The following RNH1 variants were observed in gnomAD, a reference collection of about 807,000 sequenced individuals.
The protein encoded by RNH1 is ribonuclease inhibitor.
A neutral mutation model predicts 46.1 loss-of-function variants in RNH1; 38 were observed. The observed-to-expected ratio is 0.82, with a 90% confidence interval of 0.64 to 1.08. The LOEUF (loss-of-function observed/expected upper bound fraction) is 1.08, where lower values mean the gene tolerates loss of function less well. Among genes scored for constraint, RNH1 ranks in the 50% least tolerant of loss-of-function variants. The probability of loss-of-function intolerance (pLI) is 0.00; values close to 1 mark genes in which losing one functional copy is unlikely to be tolerated. For synonymous variants in RNH1, 319 were observed against 279.1 expected (o/e 1.14, Z -1.43); for missense variants, 577 against 590.7 (o/e 0.98, Z 0.24).
In RNH1 at chr11:498,439, C is replaced by G; in HGVS notation, c.956+18G>C. On this transcript the variant is annotated intron_variant, in intron 8 of 10. Coordinates refer to ENST00000354420, the MANE Select transcript of RNH1 (RefSeq NM_203387.3). The stretch of plus-strand genomic sequence containing the variant: ...CCTCTCTTGGGCGACAGGGCCCTGC[C>G]CCGACAGCCACACTCACCACAGCGA... The G allele has an allele frequency of 1.9e-6, 3 of 1,610,350 alleles. No homozygotes were observed. Among genetic ancestry groups the G allele is most frequent in the East Asian group, 2.2e-5 (1 of 44,868 alleles).
chr11:497,867 C>T (rs1565021013), intron 9 of RNH1, 104 bp downstream of exon 9: 15 of 1,389,746 alleles, frequency 1.1e-5, no homozygotes, highest in Middle Eastern at 2.6e-4. Flanking sequence ...CACATACACA[C>T]GGACACTCGT....
At position 494,906 on chromosome 11, in the gene RNH1, C is replaced by T. The variant is rs537015360; in HGVS notation, c.1275G>A (p.Pro425=). Residue 425 remains proline (P), a synonymous_variant, in exon 10 of 11, where the codon CCG becomes CCA. Coordinates refer to ENST00000354420, the MANE Select transcript of RNH1 (RefSeq NM_203387.3). ...ACACCAGCTGCTCCAGGAGGCAGCC[C>T]GGCTGCCGGACGCTCTCCACCAGCT... ...ILQLVESVRQ[P]GCLLEQLVLY... is the part of the protein sequence containing the mutation. 25 of 1,611,450 alleles carry T rather than the reference C, an allele frequency of 1.6e-5. No homozygotes were observed. The highest frequency in any genetic ancestry group is 3.3e-5 in the South Asian group (3 of 90,866).
chr11:499,181 C>G lies in RNH1; in HGVS notation c.448G>C (p.Glu150Gln), dbSNP rs1369665080. The G allele has an allele frequency of 9.3e-6, 15 of 1,612,342 alleles. No individual in the cohort carries two copies. The highest frequency in any genetic ancestry group is 1.2e-5 in the Non-Finnish European group (14 of 1,179,966). Residue 150 changes from glutamate to glutamine, a missense_variant, in exon 6 of 11, where the codon GAG becomes CAG. Glu to Gln is a conservative substitution (Grantham distance 29). Coordinates refer to ENST00000354420, the MANE Select transcript of RNH1 (RefSeq NM_203387.3). ...PQCRLEKLQLEYCSLSAASCE... is the reference protein window; with the variant it reads ...PQCRLEKLQLQYCSLSAASCE... The stretch of plus-strand genomic sequence containing the variant: ...CTGGCAGCCGAGAGGCTGCAATACT[C>G]CAGCCTGGGGGACAGCAGAGCTCAG...
rs775565516 is a variant in RNH1 at position 498,590 on chromosome 11, C to A, written c.823G>T (p.Asp275Tyr). The A allele has an allele frequency of 6.2e-7, 1 of 1,612,920 alleles. No homozygotes were observed. Among genetic ancestry groups the A allele is most frequent in the Non-Finnish European group, 8.5e-7 (1 of 1,180,020 alleles). ...ECGITAKGCG[D>Y]LCRVLRAKES... Reference sequence around the variant, plus strand: ...TTGGCCCTGAGGACACGGCACAGATCCCCGCAGCCCTTGGCAGTGATGCCA... The same window carrying A: ...TTGGCCCTGAGGACACGGCACAGATACCCGCAGCCCTTGGCAGTGATGCCA... Residue 275 changes from aspartate to tyrosine, a missense_variant, in exon 8 of 11, where the codon GAT becomes TAT. Asp to Tyr is a radical substitution (Grantham distance 160). Transcript: ENST00000354420.
At chr11:497,653 A>G (rs1379081444) in intron 9 of RNH1, among the ~76,000 whole-genome samples, 4 of 125,382 alleles carry the variant, frequency 3.2e-5, no homozygotes. Flanking sequence ...TCGTGCTCTC[A>G]CCCATGTGCT....
chr11:502,048 G>C lies in RNH1; in HGVS notation c.101+14C>G, dbSNP rs370104613. The C allele has an allele frequency of 2.5e-6, 4 of 1,604,140 alleles. No homozygotes were observed. Among genetic ancestry groups the C allele is most frequent in the Non-Finnish European group, 3.4e-6 (4 of 1,175,740 alleles). ...CCCACCAGCACCCCAAGGCCACCCC[G>C]AGAGCAAGCGTACCTGACCACTTGG... On this transcript the variant is annotated intron_variant, in intron 3 of 10. Transcript: ENST00000354420. This position sits in a 1 kb window ranked among gnomAD's most constrained non-coding sequence, Gnocchi z 5.8.
In RNH1 at chr11:502,042, C is replaced by T. The variant is rs1236498863; in HGVS notation, c.101+20G>A. ...GCCTGCCCCACCAGCACCCCAAGGC[C>T]ACCCCGAGAGCAAGCGTACCTGACC... is the stretch of plus-strand genomic sequence containing the variant. On this transcript the variant is annotated intron_variant, in intron 3 of 10. Transcript: ENST00000354420. The surrounding 1 kb of genome is among the most constrained non-coding windows in gnomAD (Gnocchi z 5.8). 1.9e-6 allele frequency: 3 copies of T among 1,597,836 alleles called. No individual in the cohort carries two copies. The highest frequency in any genetic ancestry group is 2.6e-6 in the Non-Finnish European group (3 of 1,171,590).
Position 498,797 on chromosome 11 carries a change from G to A in RNH1, c.751C>T (p.Leu251=), listed in dbSNP as rs1237715595. 1 of 1,606,254 alleles carries A rather than the reference G, an allele frequency of 6.2e-7. No individual in the cohort carries two copies. Among genetic ancestry groups the A allele is most frequent in the African/African-American group, 1.3e-5 (1 of 74,944 alleles). ...CTGAGCCTGGAGCTGGGGTGGAGCA[G>A]CCCTGGGCACAGCTCCGCCATGCCC... ...DVGMAELCPG[L]LHPSSRLRTL... The change falls in exon 7 of 11, where the codon CTG becomes TTG. Residue 251 remains leucine (L), a synonymous_variant. Transcript: ENST00000354420.
chr11:496,421 G>C (rs763387764), intron 9 of RNH1, among the ~76,000 whole-genome samples: 5 of 152,180 alleles, frequency 3.3e-5, no homozygotes, highest in Admixed American at 6.5e-5. Context: ...TGTAATCCCA[G>C]CAATTTAGGA....
intron 5 of RNH1, chr11:499,478 T>C (rs1171322139): frequency 1.4e-6 from 1 of 692,262 alleles, no homozygotes; most frequent in Non-Finnish European, 2.6e-6. Flanking sequence ...CGTCCCAGGC[T>C]GTGGTCAACT....
In RNH1 at chr11:495,141, C is replaced by T. The variant is rs370885962; in HGVS notation, c.1128-88G>A. On this transcript the variant is annotated intron_variant, in intron 9 of 10. Transcript: ENST00000354420. ...GCAGGCCTGGGCCTGGGGGGCGCGA[C>T]GGACACCTGTGCTCGGCAACTCAGG... 1.2e-3 allele frequency: 1,675 copies of T among 1,355,058 alleles called. 37 individuals carry two copies. In the South Asian group the frequency reaches 0.019, roughly 16 times the overall value. 83.9% of individuals were successfully genotyped at this position (1,355,058 alleles called of 1,614,324 possible).
chr11:502,100 G>A lies in RNH1; in HGVS notation c.63C>T (p.Ala21=), dbSNP rs140000285. 6.5e-5 allele frequency: 105 copies of A among 1,612,270 alleles called. No homozygotes were observed. The African/African-American group carries it at 8.9e-4, about 14-fold the overall frequency. The part of the protein sequence containing the change: ...QCEELSDARW[A]ELLPLLQQCQ... ...ACTGCTGGAGCAGAGGGAGGAGCTC[G>A]GCCCATCTAGCGTCGCTCAGCTCCT... is the stretch of plus-strand genomic sequence containing the variant. Residue 21 remains alanine, a synonymous_variant, in exon 3 of 11, where the codon GCC becomes GCT. Transcript: ENST00000354420. The surrounding 1 kb of genome is among the most constrained non-coding windows in gnomAD (Gnocchi z 5.8).
rs766714104 is a variant in RNH1, at chr11:494,868, A to G, written c.1298+15T>C. ...GCAGCCCTGGCCGCACCACCCGCCC[A>G]GCGCGTGCACATACACCAGCTGCTC... On this transcript the variant is annotated intron_variant, in intron 10 of 10. Coordinates refer to ENST00000354420, the MANE Select transcript of RNH1 (RefSeq NM_203387.3). 4 of 1,606,546 alleles carry G rather than the reference A, an allele frequency of 2.5e-6. No individual in the cohort carries two copies. The East Asian group carries it at 9.0e-5, about 36-fold the overall frequency.
Position 501,248 on chromosome 11 carries a change from G to A in RNH1, c.102-594C>T, listed in dbSNP as rs187188661. On this transcript the variant is annotated intron_variant, in intron 3 of 10. Transcript: ENST00000354420. The surrounding 1 kb of genome is among the most constrained non-coding windows in gnomAD (Gnocchi z 4.1). Reference sequence around the variant, plus strand: ...ACAGGACGCTCCTGGCAGGCCCCACGGCATCTCCCTGCATTCCTGCCAAAA... The same window carrying A: ...ACAGGACGCTCCTGGCAGGCCCCACAGCATCTCCCTGCATTCCTGCCAAAA... The A allele has an allele frequency of 1.5e-5, 3 of 197,780 alleles. No individual in the cohort carries two copies. The highest frequency in any genetic ancestry group is 2.3e-5 in the African/African-American group (1 of 42,806). 12.3% of individuals were successfully genotyped at this position (197,780 alleles called of 1,614,324 possible).
At chr11:499,425 C>CG in intron 5 of RNH1, 1 of 676,438 alleles carries the variant, frequency 1.5e-6, no homozygotes, top group Non-Finnish European at 2.7e-6. Context: ...CCAACCAGGC[C>CG]CGGGAGAAAG....
chr11:500,052 C>T, intron 4 of RNH1, 53 bp from the exon 5 acceptor site: 1 of 1,479,178 alleles, frequency 6.8e-7, no homozygotes, highest in South Asian at 1.3e-5. Flanking sequence ...CTGCCACGCC[C>T]TTCGCCTGCC....
chr11:498,919 C>T lies in RNH1; in HGVS notation c.629G>A (p.Gly210Asp). The change falls in exon 7 of 11, where the codon GGT becomes GAT. Residue 210 changes from glycine to aspartate, a missense_variant. Physicochemically the swap from Gly to Asp is moderately conservative, Grantham distance 94 (BLOSUM62 -1). Transcript: ENST00000354420. Reference sequence around the variant, plus strand: ...GTCCCGGCAGTTGTCTGATGTCACACCGCAGCTCTCCAGCCTGGGGACACG... The same window carrying T: ...GTCCCGGCAGTTGTCTGATGTCACATCGCAGCTCTCCAGCCTGGGGACACG... ...QLEALKLESC[G>D]VTSDNCRDLC... The T allele has an allele frequency of 6.2e-7, 1 of 1,612,570 alleles. No individual in the cohort carries two copies.
rs1407836150 is a variant in RNH1 at position 502,246 on chromosome 11, G to C, written c.-84C>G. 4.4e-6 allele frequency: 5 copies of C among 1,125,508 alleles called. No individual in the cohort carries two copies. The African/African-American group carries it at 7.7e-5, about 17-fold the overall frequency. The allele number at this position is 1,125,508 out of a possible 1,614,324, so 69.7% of individuals were successfully genotyped here. A position where few individuals can be genotyped will look rare whatever the true frequency, so the allele number is the denominator to read the frequency against. On this transcript the variant is annotated 5_prime_UTR_variant, in exon 3 of 11. The change creates a new upstream start codon in the 5' untranslated region. Coordinates refer to ENST00000354420, the MANE Select transcript of RNH1 (RefSeq NM_203387.3). The surrounding 1 kb of genome is among the most constrained non-coding windows in gnomAD (Gnocchi z 5.8). Reference sequence around the variant, plus strand: ...TCCCCTCACAGTTTCACAGGCCGGAGATTCTGCAAACAGGACCCACAGGGC... The same window carrying C: ...TCCCCTCACAGTTTCACAGGCCGGACATTCTGCAAACAGGACCCACAGGGC...
chr11:500,399 C>T (rs1361433784), intron 4 of RNH1, 85 bp downstream of exon 4: 18 of 1,476,168 alleles, frequency 1.2e-5, no homozygotes, highest in East Asian at 7.0e-5. Flanking sequence ...CAGCTGCCCA[C>T]GCGCCCCTGG....
Sources: allele counts gnomAD v4.1 joint callset (sites outside exome capture counted in the v4.1 genomes callset), GRCh38; gene constraint gnomAD v4.1.1; non-coding constraint Gnocchi (gnomAD v3.1); transcripts MANE v1.5; gene names NCBI Gene and HGNC (gene_info 2026-07-23, HGNC 2026-07-21).